KALRN: variants seen among roughly 807,000 people sequenced by gnomAD.
The protein encoded by KALRN is kalirin RhoGEF kinase, also known as kalirin.
A neutral mutation model predicts 353.7 loss-of-function variants in KALRN; 70 were observed. The observed-to-expected ratio is 0.20, with a 90% CI of 0.16 to 0.24. KALRN has a LOEUF of 0.24. Ranked by LOEUF, KALRN falls within the 10% of genes least tolerant of loss-of-function variation. The pLI is 1.00. For synonymous variants in KALRN, 1,391 were observed against 1,434.8 expected, an observed-to-expected ratio of 0.97 and a Z score of 0.69; for missense variants, 2,791 against 3,756.7, an observed-to-expected ratio of 0.74 and a Z score of 6.72.
chr3:124,488,375 A>G, intron 29 of KALRN, 60 bp downstream of exon 29: 1 of 1,119,918 alleles, frequency 8.9e-7, no homozygotes, highest in Non-Finnish European at 1.4e-6. Flanking sequence ...GGGAGCTTGT[A>G]TCATGGGAGG....
chr3:124,610,862 A>T (rs1466119950), intron 34 of KALRN, among the ~76,000 whole-genome samples: 1 of 151,746 alleles, frequency 6.6e-6, no homozygotes, highest in Admixed American at 6.6e-5. Flanking sequence ...AAAAGAAAAG[A>T]AAAGAAGAAA....
chr3:124,691,761 C>A (rs1332906567), intron 51 of KALRN, among the ~76,000 whole-genome samples: 1 of 152,206 alleles, frequency 6.6e-6, no homozygotes, highest in Non-Finnish European at 1.5e-5. Flanking sequence ...CCTGCCTTAT[C>A]CAAACCAGGA....
intron 5 of KALRN, among the ~76,000 whole-genome samples, chr3:124,290,047 A>G (rs770638990): frequency 6.6e-6 from 1 of 152,182 alleles, no homozygotes; most frequent in Non-Finnish European, 1.5e-5. Context: ...TAGATAAGTC[A>G]TTGTAGGATT....
At chr3:124,475,780 T>C (rs1050144532) in intron 26 of KALRN, among the ~76,000 whole-genome samples, 4 of 152,214 alleles carry the variant, frequency 2.6e-5, no homozygotes, top group African/African-American at 9.6e-5. Context: ...AAGCTTTTTT[T>C]CATGAAATCT....
chr3:124,225,092 T>C (rs1234984482), intron 1 of KALRN, among the ~76,000 whole-genome samples: 1 of 152,148 alleles, frequency 6.6e-6, no homozygotes, highest in Non-Finnish European at 1.5e-5. Context: ...AATGAACTTC[T>C]CCTTTATTAT....
At chr3:124,628,742 A>ATTTTTTTTTTTT (rs58523719) in intron 34 of KALRN, among the ~76,000 whole-genome samples, 1 of 100,094 alleles carries the variant, frequency 1.0e-5, no homozygotes, top group South Asian at 3.4e-4. Context: ...CACCTGGCTA[A>ATTTTTTTTTTTT]TTTTTTTTTT....
chr3:124,680,217 A>C (rs1198786950), intron 51 of KALRN, among the ~76,000 whole-genome samples: 1 of 152,240 alleles, frequency 6.6e-6, no homozygotes, highest in East Asian at 1.9e-4. Flanking sequence ...TGAGATGGAA[A>C]CACTGCCCAG....
At chr3:124,135,375 G>A (rs1251206005) in intron 1 of KALRN, among the ~76,000 whole-genome samples, 2 of 152,144 alleles carry the variant, frequency 1.3e-5, no homozygotes, top group African/African-American at 4.8e-5. Context: ...GAGGCTTGTG[G>A]GGAAGAGTGG....
Position 124,334,170 on chromosome 3 carries a change from C to T in KALRN, c.1417-95C>T. ...TGGAATGCCTGAGATTCTCAGAAGGCCTAGTCAGGGACCCTCAGGCAGACA... is the reference window on the plus strand; with the variant it reads ...TGGAATGCCTGAGATTCTCAGAAGGTCTAGTCAGGGACCCTCAGGCAGACA... On this transcript the variant is annotated intron_variant, in intron 8 of 59. Transcript: ENST00000682506. The surrounding 1 kb of genome is among the most constrained non-coding windows in gnomAD (Gnocchi z 4.2). The T allele has an allele frequency of 1.9e-6, 2 of 1,033,254 alleles. No individual in the cohort carries two copies. The highest frequency in any genetic ancestry group is 3.0e-6 in the Non-Finnish European group (2 of 671,666). The allele number at this position is 1,033,254 out of a possible 1,614,324, so 64.0% of individuals were successfully genotyped here. A position where few individuals can be genotyped will look rare whatever the true frequency, so the allele number is the denominator to read the frequency against.
At chr3:124,287,916 C>T (rs1341693834) in intron 5 of KALRN, among the ~76,000 whole-genome samples, 1 of 150,858 alleles carries the variant, frequency 6.6e-6, no homozygotes, top group Non-Finnish European at 1.5e-5. Context: ...TTCTGTCACC[C>T]AGGCTAGAGT....
intron 57 of KALRN, among the ~76,000 whole-genome samples, chr3:124,711,223 T>C (rs1216430177): frequency 6.6e-6 from 1 of 152,164 alleles, no homozygotes; most frequent in East Asian, 1.9e-4. Context: ...GATCTCACTA[T>C]GTTGTCCAGG....
intron 34 of KALRN, among the ~76,000 whole-genome samples, chr3:124,576,055 T>C (rs1450735120): frequency 6.6e-6 from 1 of 151,752 alleles, no homozygotes; most frequent in Non-Finnish European, 1.5e-5. Context: ...TTTTGTTCCC[T>C]CTGCTTGGAA....
At chr3:124,610,297 G>A (rs1184564227) in intron 34 of KALRN, among the ~76,000 whole-genome samples, 3 of 152,182 alleles carry the variant, frequency 2.0e-5, no homozygotes, top group African/African-American at 7.2e-5. Context: ...ATTACTCACA[G>A]TTCCCCAAGA....
intron 5 of KALRN, among the ~76,000 whole-genome samples, chr3:124,276,774 A>G (rs556127041): frequency 6.6e-6 from 1 of 152,332 alleles, no homozygotes; most frequent in Non-Finnish European, 1.5e-5. Flanking sequence ...TCCATGGTTC[A>G]TCATCCAAGT....
At chr3:124,539,396 G>A (rs1285118276) in intron 33 of KALRN, among the ~76,000 whole-genome samples, 2 of 152,162 alleles carry the variant, frequency 1.3e-5, no homozygotes, top group East Asian at 1.9e-4. Flanking sequence ...AAGGCTGGAA[G>A]CTTTAAAACA....
Position 124,674,542 on chromosome 3 carries a change from G to C in KALRN, c.7121G>C (p.Gly2374Ala), listed in dbSNP as rs1285550614. 1 of 1,613,372 alleles carries C rather than the reference G, an allele frequency of 6.2e-7. No individual in the cohort carries two copies. The highest frequency in any genetic ancestry group is 2.2e-5 in the East Asian group (1 of 44,864). Residue 2374 changes from glycine (G) to alanine (A), a missense_variant, in exon 49 of 60, where the codon GGC becomes GCC. Gly to Ala is a moderately conservative substitution (Grantham distance 60). This residue lies in a region of KALRN where 1,065 missense variants were observed against 1,156.4 expected (regional missense o/e 0.92). Coordinates refer to ENST00000682506, the MANE Select transcript of KALRN (RefSeq NM_001388419.1). ...AGCGACCATTCCCCCGCCGCCGAGG[G>C]CTGGGTCCCAGGCAGCATCCTGGCG... Reference protein sequence around the residue: ...PASDHSPAAEGWVPGSILAPL... With the variant: ...PASDHSPAAEAWVPGSILAPL...
intron 5 of KALRN, among the ~76,000 whole-genome samples, chr3:124,286,781 T>C (rs1310120283): frequency 6.6e-6 from 1 of 152,234 alleles, no homozygotes; most frequent in East Asian, 1.9e-4. Context: ...ATCATAGTTA[T>C]TTTGAAAGCC....
chr3:124,519,093 G>C, intron 33 of KALRN: 20 of 985,724 alleles, frequency 2.0e-5, no homozygotes, highest in Non-Finnish European at 2.3e-5. Context: ...GATTTTTTCA[G>C]GTTTTTCTAG....
At chr3:124,623,351 A>C (rs1175287297) in intron 34 of KALRN, among the ~76,000 whole-genome samples, 1 of 137,322 alleles carries the variant, frequency 7.3e-6, no homozygotes, top group Admixed American at 8.1e-5. Flanking sequence ...AGTTCTCTAG[A>C]GGGACAACAG....
Sources: gnomAD v4.1 joint callset for allele counts (sites outside exome capture counted in the v4.1 genomes callset) on GRCh38, gnomAD v4.1.1 for gene constraint, gnomAD v4.1.1 regional missense constraint, Gnocchi (gnomAD v3.1) non-coding constraint, MANE v1.5 for transcripts, NCBI Gene and HGNC (gene_info 2026-07-23, HGNC 2026-07-21) for gene names.